Variants in ROBO2 observed in about 807,000 individuals in gnomAD.
ROBO2 encodes the protein roundabout guidance receptor 2.
ROBO2 carries 53 observed loss-of-function variants against 160.8 expected under a neutral mutation model. That is an observed-to-expected ratio of 0.33 (90% CI 0.26 to 0.41). The LOEUF (loss-of-function observed/expected upper bound fraction) is 0.41, where lower values mean the gene tolerates loss of function less well. ROBO2 is among the 10% of genes least tolerant of loss of function. The pLI, the probability that ROBO2 is intolerant of heterozygous loss-of-function variation, is 1.00. For synonymous variants in ROBO2, 664 were observed against 611.7 expected, an observed-to-expected ratio of 1.09 and a Z score of -1.26; for missense variants, 1,577 against 1,722.4, an observed-to-expected ratio of 0.92 and a Z score of 1.49.
At chr3:76,858,086 C>T (rs973573133) in intron 2 of ROBO2, among the ~76,000 whole-genome samples, 2 of 151,822 alleles carry the variant, frequency 1.3e-5, no homozygotes, top group Non-Finnish European at 1.5e-5. Flanking sequence ...TACCCTAGTA[C>T]GCTCCCAGCA....
chr3:76,074,818 G>A (rs919336259), intron 2 of ROBO2, among the ~76,000 whole-genome samples: 3 of 152,084 alleles, frequency 2.0e-5, no homozygotes, highest in East Asian at 1.9e-4. Context: ...CAAAGTATAT[G>A]TAAAGAAGAC....
chr3:76,856,244 A>T (rs1044616489), intron 2 of ROBO2, among the ~76,000 whole-genome samples: 2 of 152,210 alleles, frequency 1.3e-5, no homozygotes, highest in Admixed American at 1.3e-4. Flanking sequence ...ATTTTGCATT[A>T]TTTACAACCT....
chr3:76,398,142 G>T (rs1038618122), intron 2 of ROBO2, among the ~76,000 whole-genome samples: 14 of 152,130 alleles, frequency 9.2e-5, no homozygotes, highest in African/African-American at 3.4e-4. Context: ...ATACTATGCA[G>T]CCATAAAAAA....
chr3:77,081,839 C>T (rs898495893), intron 1 of ROBO2, among the ~76,000 whole-genome samples: 1 of 152,130 alleles, frequency 6.6e-6, no homozygotes, highest in Non-Finnish European at 1.5e-5. Flanking sequence ...CCTGCATCCT[C>T]CCCAAACTCC....
chr3:77,525,849 T>C (rs571926502), intron 6 of ROBO2, among the ~76,000 whole-genome samples: 2 of 151,206 alleles, frequency 1.3e-5, no homozygotes, highest in East Asian at 3.9e-4. Flanking sequence ...GAAGGAAACA[T>C]TATGTTTTAA....
At chr3:77,429,735 C>G (rs2078584849) in intron 2 of ROBO2, among the ~76,000 whole-genome samples, 1 of 151,584 alleles carries the variant, frequency 6.6e-6, no homozygotes, top group African/African-American at 2.4e-5. Flanking sequence ...TGATCACAAT[C>G]TGTGATCACA....
At chr3:77,203,554 A>G (rs746693843) in intron 2 of ROBO2, among the ~76,000 whole-genome samples, 2 of 152,232 alleles carry the variant, frequency 1.3e-5, no homozygotes, top group Non-Finnish European at 2.9e-5. Flanking sequence ...CAGTGTTTGA[A>G]TATAGTTTCT....
At position 77,117,706 on chromosome 3, in the gene ROBO2, G is replaced by T. The variant is rs533666827; in HGVS notation, c.388+19366G>T. Among the ~76,000 whole-genome samples the T allele has an allele frequency of 2.3e-4, 35 of 152,180 alleles. 1 individual carries two copies. In the South Asian group the frequency reaches 7.1e-3, roughly 31 times the overall value. ...TTTGTTGAGAAATTAATAGATTGTGGCAGAGAATACATTGTAACTTTTATT... is the reference window on the plus strand; with the variant it reads ...TTTGTTGAGAAATTAATAGATTGTGTCAGAGAATACATTGTAACTTTTATT... On this transcript the variant is annotated intron_variant, in intron 2 of 25. Coordinates refer to ENST00000461745, the Ensembl canonical transcript of ROBO2.
At chr3:76,736,089 C>A (rs1440007801) in intron 2 of ROBO2, among the ~76,000 whole-genome samples, 1 of 151,528 alleles carries the variant, frequency 6.6e-6, no homozygotes, top group Non-Finnish European at 1.5e-5. Flanking sequence ...CGAGACCATC[C>A]TGGCTAACAC....
chr3:76,699,292 A>G (rs1005465576), intron 2 of ROBO2, among the ~76,000 whole-genome samples: 4 of 152,176 alleles, frequency 2.6e-5, no homozygotes, highest in Admixed American at 6.6e-5. Flanking sequence ...CAAAATTTGC[A>G]TGAGAGGCTT....
chr3:76,645,343 G>A (rs2090911351), intron 2 of ROBO2, among the ~76,000 whole-genome samples: 1 of 152,150 alleles, frequency 6.6e-6, no homozygotes, highest in Admixed American at 6.5e-5. Context: ...AAATAAAAAT[G>A]TTTATCTCCG....
chr3:76,450,880 T>C lies in ROBO2; in HGVS notation c.109+513278T>C, dbSNP rs562774819. Among the ~76,000 whole-genome samples the C allele has an allele frequency of 1.3e-5, 2 of 152,184 alleles. 1 individual carries two copies. The highest frequency in any genetic ancestry group is 4.1e-4 in the South Asian group (2 of 4,828). On this transcript the variant is annotated intron_variant, in intron 2 of 26. Coordinates refer to the ROBO2 transcript ENST00000487694. ...TTATTAGAGATAATGTTTTAAAAATTTGTAATATACCTGTGATATGATTCA... is the reference window on the plus strand; with the variant it reads ...TTATTAGAGATAATGTTTTAAAAATCTGTAATATACCTGTGATATGATTCA...
At chr3:76,326,747 C>G (rs1189831060) in intron 2 of ROBO2, among the ~76,000 whole-genome samples, 2 of 147,628 alleles carry the variant, frequency 1.4e-5, no homozygotes, top group Admixed American at 1.4e-4. Flanking sequence ...TTAGGTATAT[C>G]TCCCAATGCT....
chr3:77,372,680 A>G (rs191540200), intron 2 of ROBO2, among the ~76,000 whole-genome samples: 29 of 152,308 alleles, frequency 1.9e-4, no homozygotes, highest in Non-Finnish European at 3.2e-4. Flanking sequence ...GAAGTATACA[A>G]TTCTTTCTCG....
intron 2 of ROBO2, among the ~76,000 whole-genome samples, chr3:77,011,870 A>G (rs1212470538): frequency 2.0e-5 from 3 of 152,158 alleles, no homozygotes; most frequent in African/African-American, 4.8e-5. Context: ...TTCAAAATCA[A>G]TGATGAATTC....
chr3:76,217,778 T>C (rs1043287850), intron 2 of ROBO2, among the ~76,000 whole-genome samples: 8 of 152,054 alleles, frequency 5.3e-5, no homozygotes, highest in Admixed American at 6.5e-5. Context: ...TTCCAATCAA[T>C]AGAAAAAGAG....
chr3:76,002,450 C>T (rs1466713887), intron 2 of ROBO2, among the ~76,000 whole-genome samples: 2 of 152,044 alleles, frequency 1.3e-5, no homozygotes, highest in Non-Finnish European at 2.9e-5. Flanking sequence ...GTTGTGGGAT[C>T]CGGTGAGAGA....
chr3:77,010,869 C>G (rs2061850769), intron 2 of ROBO2, among the ~76,000 whole-genome samples: 2 of 133,330 alleles, frequency 1.5e-5, no homozygotes, highest in African/African-American at 5.6e-5. Context: ...TCCCTCCCTA[C>G]CTTCCTTCCT....
chr3:76,119,920 T>TTCCTTCCTC (rs1559566729), intron 2 of ROBO2, among the ~76,000 whole-genome samples: 969 of 28,518 alleles, frequency 0.034, 20 homozygotes, highest in Non-Finnish European at 0.044. Flanking sequence ...CTCCCTCCCT[T>TTCCTTCCTC]CCTTCCTTCC....
Sources: gnomAD v4.1 joint callset for allele counts (sites outside exome capture counted in the v4.1 genomes callset) on GRCh38, gnomAD v4.1.1 for gene constraint, MANE v1.5 for transcripts, NCBI Gene and HGNC (gene_info 2026-07-23, HGNC 2026-07-21) for gene names.